ZBTB9: variants seen among roughly 807,000 people sequenced by gnomAD.
ZBTB9 encodes zinc finger and BTB domain containing 9.
ZBTB9 carries 17 observed loss-of-function variants against 26.3 expected under a neutral mutation model. That is an observed-to-expected ratio of 0.65 (90% CI 0.44 to 0.97). ZBTB9 has a LOEUF of 0.97. ZBTB9 is among the 50% of genes least tolerant of loss of function. The pLI, the probability that ZBTB9 is intolerant of heterozygous loss-of-function variation, is 0.00. For synonymous variants in ZBTB9, 226 were observed against 234.3 expected, an observed-to-expected ratio of 0.96 and a Z score of 0.32; for missense variants, 510 against 594.2, an observed-to-expected ratio of 0.86 and a Z score of 1.47.
Position 33,455,369 on chromosome 6 carries a change from T to A in ZBTB9, c.269T>A (p.Val90Asp), listed in dbSNP as rs1761461086. 2 of 1,614,070 alleles carry A rather than the reference T, an allele frequency of 1.2e-6. No individual in the cohort carries two copies. The highest frequency in any genetic ancestry group is 1.7e-5 in the Admixed American group (1 of 60,016). The change falls in exon 2 of 2, where the codon GTC becomes GAC. Residue 90 changes from valine (V) to aspartate (D), a missense_variant. By Grantham distance (152) the Val-to-Asp change is radical. Transcript: ENST00000395064. ...GCGCCTCGTCTCACTCTACCGAGTG[T>A]CATTGAAGCCGATGCCTTCGAGGGG... ...GDAPRLTLPSVIEADAFEGLL... is the reference protein window; with the variant it reads ...GDAPRLTLPSDIEADAFEGLL...
In ZBTB9 at chr6:33,455,565, C is replaced by T. The variant is rs2151219747; in HGVS notation, c.465C>T (p.Ser155=). 1 of 1,614,034 alleles carries T rather than the reference C, an allele frequency of 6.2e-7. No homozygotes were observed. The highest frequency in any genetic ancestry group is 8.5e-7 in the Non-Finnish European group (1 of 1,179,950). Reference sequence around the variant, plus strand: ...GAATTTCAGCCCGTGGAGGAAACTCCTACCATGCCCTTCTTTCCACTACAT... The same window carrying T: ...GAATTTCAGCCCGTGGAGGAAACTCTTACCATGCCCTTCTTTCCACTACAT... ...GGGISARGGN[S]YHALLSTTSS... is the part of the protein sequence containing the mutation. Residue 155 remains serine (S), a synonymous_variant, in exon 2 of 2, where the codon TCC becomes TCT. Transcript: ENST00000395064.
rs949968321 is a variant in ZBTB9, at chr6:33,456,709, G to T, written c.*187G>T. 34 of 1,156,236 alleles carry T rather than the reference G, an allele frequency of 2.9e-5. No homozygotes were observed. In the African/African-American group the frequency reaches 4.9e-4, roughly 17 times the overall value. The allele number at this position is 1,156,236 out of a possible 1,614,324, so 71.6% of individuals were successfully genotyped here. A position where few individuals can be genotyped will look rare whatever the true frequency, so the allele number is the denominator to read the frequency against. The stretch of plus-strand genomic sequence containing the variant: ...GCAGATGTGGAAACTCAAATTTCTC[G>T]TCCCACTCCAGGTTTTGGCTAGCCA... On this transcript the variant is annotated 3_prime_UTR_variant, in exon 2 of 2. Transcript: ENST00000395064. This position sits in a 1 kb window ranked among gnomAD's most constrained non-coding sequence, Gnocchi z 5.1.
Position 33,456,984 on chromosome 6 carries a change from T to C in ZBTB9, c.*462T>C, listed in dbSNP as rs1047402511. On this transcript the variant is annotated 3_prime_UTR_variant, in exon 2 of 2. Transcript: ENST00000395064. This position sits in a 1 kb window ranked among gnomAD's most constrained non-coding sequence, Gnocchi z 5.1. The stretch of plus-strand genomic sequence containing the variant: ...ATTCAGAGGCTAAGCTCTAAGCTTT[T>C]TTCTCTCATTGCTGGAATGATTTAA... 5.8e-6 allele frequency: 1 copy of C among 173,562 alleles called. No homozygotes were observed. Among genetic ancestry groups the C allele is most frequent in the African/African-American group, 2.4e-5 (1 of 41,710 alleles). 10.8% of individuals were successfully genotyped at this position (173,562 alleles called of 1,614,324 possible).
chr6:33,453,604 T>C (rs1582008850), upstream of ZBTB9: 1 of 151,450 alleles, frequency 6.6e-6, no homozygotes, highest in East Asian at 1.9e-4. Flanking sequence ...TCCCCTTTTC[T>C]CCACTCCCAG....
Position 33,456,014 on chromosome 6 carries a change from G to T in ZBTB9, c.914G>T (p.Gly305Val), listed in dbSNP as rs769382866. ...TCAGGAAGCGGAACTCAGCCTGGAG[G>T]AGCAAAGGAGGAAACCAAAGTGTTT... ...EISGSGTQPG[G>V]AKEETKVFSG... Residue 305 changes from glycine to valine, a missense_variant, in exon 2 of 2, where the codon GGA becomes GTA. Gly to Val is a moderately radical substitution (Grantham distance 109, BLOSUM62 -3). Around this residue, in one of 2 missense-constraint regions of ZBTB9, gnomAD observed 439 missense variants for 460.4 expected, o/e 0.95. Coordinates refer to ENST00000395064, the MANE Select transcript of ZBTB9 (RefSeq NM_152735.4). This position sits in a 1 kb window ranked among gnomAD's most constrained non-coding sequence, Gnocchi z 5.1. 5 of 1,614,096 alleles carry T rather than the reference G, an allele frequency of 3.1e-6. No homozygotes were observed. The highest frequency in any genetic ancestry group is 4.2e-6 in the Non-Finnish European group (5 of 1,180,038).
rs1370631752 is a variant in ZBTB9, at chr6:33,456,814, T to C, written c.*292T>C. 9.7e-6 allele frequency: 4 copies of C among 414,286 alleles called. No homozygotes were observed. The highest frequency in any genetic ancestry group is 1.3e-5 in the Non-Finnish European group (3 of 225,642). The allele number at this position is 414,286 out of a possible 1,614,324, so 25.7% of individuals were successfully genotyped here. A position where few individuals can be genotyped will look rare whatever the true frequency, so the allele number is the denominator to read the frequency against. ...ATGGTGGACATTTTTGTGGTGGTGA[T>C]GTCCATTAAGGAAACCAGATTTTCA... On this transcript the variant is annotated 3_prime_UTR_variant, in exon 2 of 2. Coordinates refer to ENST00000395064, the MANE Select transcript of ZBTB9 (RefSeq NM_152735.4). The surrounding 1 kb of genome is among the most constrained non-coding windows in gnomAD (Gnocchi z 5.1).
In ZBTB9 at chr6:33,455,562, C is replaced by T; in HGVS notation, c.462C>T (p.Asn154=). The T allele has an allele frequency of 1.2e-6, 2 of 1,614,092 alleles. No individual in the cohort carries two copies. The highest frequency in any genetic ancestry group is 1.7e-6 in the Non-Finnish European group (2 of 1,179,968). The change falls in exon 2 of 2, where the codon AAC becomes AAT. Residue 154 remains asparagine, a synonymous_variant. Transcript: ENST00000395064. ...SGGGISARGG[N]SYHALLSTTS... The stretch of plus-strand genomic sequence containing the variant: ...GTGGAATTTCAGCCCGTGGAGGAAA[C>T]TCCTACCATGCCCTTCTTTCCACTA...
rs1167652203 is a variant in ZBTB9 at position 33,456,113 on chromosome 6, G to A, written c.1013G>A (p.Gly338Glu). ...TCAGGGCCAGGGCCAACATCTGGGG[G>A]AGGGGGTCCATCCTGGAAACCAGTG... ...LPSGPGPTSG[G>E]GGPSWKPVDL... is the part of the protein sequence containing the mutation. Residue 338 changes from glycine to glutamate, a missense_variant, in exon 2 of 2, where the codon GGA becomes GAA. Gly to Glu is a moderately conservative substitution (Grantham distance 98). This residue lies in a region of ZBTB9 where 439 missense variants were observed against 460.4 expected (regional missense o/e 0.95). Coordinates refer to ENST00000395064, the MANE Select transcript of ZBTB9 (RefSeq NM_152735.4). This position sits in a 1 kb window ranked among gnomAD's most constrained non-coding sequence, Gnocchi z 5.1. 1.9e-6 allele frequency: 3 copies of A among 1,613,288 alleles called. No individual in the cohort carries two copies. Among genetic ancestry groups the A allele is most frequent in the Non-Finnish European group, 2.5e-6 (3 of 1,179,718 alleles).
Position 33,456,288 on chromosome 6 carries a change from A to G in ZBTB9, c.1188A>G (p.Pro396=). The change falls in exon 2 of 2, where the codon CCA becomes CCG. Residue 396 remains proline, a synonymous_variant. Transcript: ENST00000395064. The surrounding 1 kb of genome is among the most constrained non-coding windows in gnomAD (Gnocchi z 5.1). ...GTGGGAAGCGGTTTGCAGTGAAGCC[A>G]AAGCGTGACCGGCACATCATGCTGA... ...CLCGKRFAVK[P]KRDRHIMLTF... 5 of 1,613,600 alleles carry G rather than the reference A, an allele frequency of 3.1e-6. No individual in the cohort carries two copies. The highest frequency in any genetic ancestry group is 3.4e-6 in the Non-Finnish European group (4 of 1,179,836).
In ZBTB9 at chr6:33,455,620, T is replaced by TC; in HGVS notation, c.521dup (p.Pro175AlafsTer13). Reference sequence around the variant, plus strand: ...TACAGGAGGCTGGTGCATTCGCTCTTCGCCTTTCCAGACCCCAGTACAGTC... The same window carrying TC: ...TACAGGAGGCTGGTGCATTCGCTCTTCCGCCTTTCCAGACCCCAGTACAGTC... On this transcript the variant is annotated frameshift_variant, in exon 2 of 2. Transcript: ENST00000395064. LOFTEE classifies it high-confidence loss of function. 6.2e-7 allele frequency: 1 copy of TC among 1,614,062 alleles called. No homozygotes were observed. The highest frequency in any genetic ancestry group is 1.1e-5 in the South Asian group (1 of 91,074).
chr6:33,455,179 T>C lies in ZBTB9; in HGVS notation c.79T>C (p.Phe27Leu). ...NPAPRTIQIE[F>L]PQHSSSLLES... ...AGCCCCACGGACAATCCAGATCGAG[T>C]TCCCACAGCATAGCTCGTCTCTGCT... The change falls in exon 2 of 2, where the codon TTC (phenylalanine) becomes CTC (leucine). Residue 27 changes from phenylalanine to leucine, a missense_variant. Phe to Leu is a conservative substitution (Grantham distance 22). Coordinates refer to ENST00000395064, the MANE Select transcript of ZBTB9 (RefSeq NM_152735.4). The C allele has an allele frequency of 6.2e-7, 1 of 1,613,978 alleles. No homozygotes were observed.
Position 33,455,118 on chromosome 6 carries a change from T to G in ZBTB9, c.18T>G (p.Pro6=). Residue 6 remains proline, a synonymous_variant, in exon 2 of 2, where the codon CCT becomes CCG. Coordinates refer to ENST00000395064, the MANE Select transcript of ZBTB9 (RefSeq NM_152735.4). The part of the protein sequence containing the change: METPT[P]LPPVPASPTC... ...AGGAGGCCATGGAAACCCCAACACC[T>G]TTGCCGCCTGTACCCGCCTCCCCGA... 1 of 1,606,556 alleles carries G rather than the reference T, an allele frequency of 6.2e-7. No homozygotes were observed.
At position 33,455,974 on chromosome 6, in the gene ZBTB9, C is replaced by G. The variant is rs1294214962; in HGVS notation, c.874C>G (p.Pro292Ala). 1 of 1,613,554 alleles carries G rather than the reference C, an allele frequency of 6.2e-7. No homozygotes were observed. The highest frequency in any genetic ancestry group is 1.3e-5 in the African/African-American group (1 of 75,000). ...CTACATTAAGCAGGAACCCTTCGAG[C>G]CTAAGGAGGAGATATCAGGAAGCGG... Reference protein sequence around the residue: ...IFYIKQEPFEPKEEISGSGTQ... With the variant: ...IFYIKQEPFEAKEEISGSGTQ... Residue 292 changes from proline (P) to alanine (A), a missense_variant, in exon 2 of 2, where the codon CCT becomes GCT. Physicochemically the swap from Pro to Ala is conservative, Grantham distance 27. Transcript: ENST00000395064.
At position 33,455,191 on chromosome 6, in the gene ZBTB9, A is replaced by G; in HGVS notation, c.91A>G (p.Ser31Gly). 6.2e-7 allele frequency: 1 copy of G among 1,614,032 alleles called. No homozygotes were observed. Residue 31 changes from serine to glycine, a missense_variant, in exon 2 of 2, where the codon AGC (serine) becomes GGC (glycine). Ser to Gly is a moderately conservative substitution (Grantham distance 56). This residue lies in a region of ZBTB9 where 439 missense variants were observed against 460.4 expected (regional missense o/e 0.95). Transcript: ENST00000395064. ...AATCCAGATCGAGTTCCCACAGCAT[A>G]GCTCGTCTCTGCTGGAATCTCTGAA... ...RTIQIEFPQH[S>G]SSLLESLNRH...
At position 33,455,016 on chromosome 6, in the gene ZBTB9, T is replaced by G; in HGVS notation, c.-71-14T>G. The G allele has an allele frequency of 6.6e-7, 1 of 1,511,352 alleles. No homozygotes were observed. The highest frequency in any genetic ancestry group is 8.8e-7 in the Non-Finnish European group (1 of 1,130,542). The allele number at this position is 1,511,352 out of a possible 1,614,324, so 93.6% of individuals were successfully genotyped here. On this transcript the variant is annotated splice_polypyrimidine_tract_variant and intron_variant, in intron 1 of 1. Coordinates refer to ENST00000395064, the MANE Select transcript of ZBTB9 (RefSeq NM_152735.4). ...ATCCAGGGCTTCTGTGACCTCCATCTTTTTCCTCTGCAGCCTTCATCCCGC... is the reference window on the plus strand; with the variant it reads ...ATCCAGGGCTTCTGTGACCTCCATCGTTTTCCTCTGCAGCCTTCATCCCGC...
In ZBTB9 at chr6:33,454,784, A is replaced by G. The variant is rs927509754; in HGVS notation, c.-72+9A>G. The stretch of plus-strand genomic sequence containing the variant: ...GGAGCTGTTCTGGGCAGGTGAAGGC[A>G]GGCTGGTGGCTGAAGGACCTCCTTC... On this transcript the variant is annotated intron_variant, in intron 1 of 1. Transcript: ENST00000395064. The G allele has an allele frequency of 9.4e-6, 4 of 424,374 alleles. No homozygotes were observed. The highest frequency in any genetic ancestry group is 1.7e-5 in the Non-Finnish European group (4 of 238,700). 26.3% of individuals were successfully genotyped at this position (424,374 alleles called of 1,614,324 possible).
chr6:33,456,113 G>T lies in ZBTB9; in HGVS notation c.1013G>T (p.Gly338Val). 1 of 1,613,408 alleles carries T rather than the reference G, an allele frequency of 6.2e-7. No homozygotes were observed. Among genetic ancestry groups the T allele is most frequent in the Non-Finnish European group, 8.5e-7 (1 of 1,179,710 alleles). ...TCAGGGCCAGGGCCAACATCTGGGG[G>T]AGGGGGTCCATCCTGGAAACCAGTG... ...LPSGPGPTSG[G>V]GGPSWKPVDL... Residue 338 changes from glycine to valine, a missense_variant, in exon 2 of 2, where the codon GGA becomes GTA. This residue lies in a region of ZBTB9 where 439 missense variants were observed against 460.4 expected (regional missense o/e 0.95). Transcript: ENST00000395064. This position sits in a 1 kb window ranked among gnomAD's most constrained non-coding sequence, Gnocchi z 5.1.
In ZBTB9 at chr6:33,455,218, C is replaced by G. The variant is rs372556374; in HGVS notation, c.118C>G (p.Arg40Gly). ...CTCGTCTCTGCTGGAATCTCTGAAC[C>G]GCCACAGGCTAGAGGGAAAGTTCTG... Reference protein sequence around the residue: ...HSSSLLESLNRHRLEGKFCDV... With the variant: ...HSSSLLESLNGHRLEGKFCDV... Residue 40 changes from arginine (R) to glycine (G), a missense_variant, in exon 2 of 2, where the codon CGC (arginine) becomes GGC (glycine). Transcript: ENST00000395064. The G allele has an allele frequency of 6.2e-7, 1 of 1,613,980 alleles. No homozygotes were observed. The highest frequency in any genetic ancestry group is 1.3e-5 in the African/African-American group (1 of 74,872).
rs1294412522 is a variant in ZBTB9, at chr6:33,456,079, T to G, written c.979T>G (p.Leu327Val). 6.2e-7 allele frequency: 1 copy of G among 1,613,892 alleles called. No homozygotes were observed. The highest frequency in any genetic ancestry group is 8.5e-7 in the Non-Finnish European group (1 of 1,180,010). The change falls in exon 2 of 2, where the codon TTG becomes GTG. Residue 327 changes from leucine (L) to valine (V), a missense_variant. Coordinates refer to ENST00000395064, the MANE Select transcript of ZBTB9 (RefSeq NM_152735.4). This position sits in a 1 kb window ranked among gnomAD's most constrained non-coding sequence, Gnocchi z 5.1. ...TGAAGGGAATGGGGAGCTAGGGTTC[T>G]TGTTGCCTTCAGGGCCAGGGCCAAC... ...DTEGNGELGF[L>V]LPSGPGPTSG... is the part of the protein sequence containing the mutation.
Sources: gnomAD v4.1 joint callset for allele counts on GRCh38, gnomAD v4.1.1 for gene constraint, gnomAD v4.1.1 regional missense constraint, Gnocchi (gnomAD v3.1) non-coding constraint, MANE v1.5 for transcripts, NCBI Gene and HGNC (gene_info 2026-07-23, HGNC 2026-07-21) for gene names.